Variants in PRKN observed in about 807,000 individuals in gnomAD.
PRKN encodes E3 ubiquitin-protein ligase parkin.
PRKN carries 56 observed loss-of-function variants against 59.5 expected under a neutral mutation model. The ratio of observed to expected loss-of-function variants is 0.94; its 90% CI spans 0.76 to 1.18. The LOEUF is 1.18. Ranked by LOEUF, PRKN falls within the 50% of genes most tolerant of loss-of-function variation. The pLI, the probability that PRKN is intolerant of heterozygous loss-of-function variation, is 0.00. For missense variants in PRKN, 657 were observed against 596.4 expected, an observed-to-expected ratio of 1.10 and a Z score of -1.06; for synonymous variants, 250 against 222.1, an observed-to-expected ratio of 1.13 and a Z score of -1.12.
chr6:162,460,505 T>A (rs1791100511), intron 1 of PRKN, among the ~76,000 whole-genome samples: 2 of 152,156 alleles, frequency 1.3e-5, no homozygotes. Context: ...TTTAAATGGG[T>A]GAATTTTATA....
chr6:162,535,677 G>A (rs1778687950), intron 1 of PRKN, among the ~76,000 whole-genome samples: 1 of 152,050 alleles, frequency 6.6e-6, no homozygotes, highest in Admixed American at 6.6e-5. Flanking sequence ...GGGAGGCCGA[G>A]GTGGGCAGAT....
chr6:161,662,894 G>C (rs1024054239), intron 7 of PRKN, among the ~76,000 whole-genome samples: 2 of 152,156 alleles, frequency 1.3e-5, no homozygotes, highest in African/African-American at 2.4e-5. Context: ...ATATGGTTTG[G>C]ATGTGTCCCC....
chr6:162,163,236 A>G (rs1025555488), intron 4 of PRKN, among the ~76,000 whole-genome samples: 3 of 149,122 alleles, frequency 2.0e-5, no homozygotes, highest in African/African-American at 7.6e-5. Flanking sequence ...CGTCTGTGTT[A>G]AGGACAGGAA....
At chr6:161,425,990 A>G (rs1245987924) in intron 9 of PRKN, among the ~76,000 whole-genome samples, 1 of 152,132 alleles carries the variant, frequency 6.6e-6, no homozygotes, top group Non-Finnish European at 1.5e-5. Flanking sequence ...AGCAGGAGTG[A>G]CAGTGGAGTG....
chr6:161,979,813 T>C (rs1000581757), intron 5 of PRKN, among the ~76,000 whole-genome samples: 1 of 152,102 alleles, frequency 6.6e-6, no homozygotes, highest in Non-Finnish European at 1.5e-5. Flanking sequence ...CAGGAAGATG[T>C]CAACTGGACT....
intron 2 of PRKN, among the ~76,000 whole-genome samples, chr6:162,347,750 T>C (rs1460549907): frequency 3.9e-5 from 6 of 152,210 alleles, no homozygotes; most frequent in Non-Finnish European, 2.9e-5. Flanking sequence ...TGAAATGATC[T>C]ATTTCTTCTT....
chr6:162,013,899 T>C (rs551038253), intron 5 of PRKN, among the ~76,000 whole-genome samples: 24 of 152,366 alleles, frequency 1.6e-4, no homozygotes, highest in African/African-American at 5.5e-4. Context: ...TATTATCTAT[T>C]TGAAATACTA....
At chr6:161,438,788 A>G (rs1419734978) in intron 9 of PRKN, among the ~76,000 whole-genome samples, 2 of 152,162 alleles carry the variant, frequency 1.3e-5, no homozygotes, top group Admixed American at 6.5e-5. Context: ...TATTTGACCA[A>G]TGCTGCTTGT....
intron 5 of PRKN, 38 bp from the exon 6 acceptor site, chr6:161,973,455 C>T (rs576565848): frequency 4.9e-5 from 56 of 1,153,882 alleles, no homozygotes; most frequent in East Asian, 1.2e-4. Flanking sequence ...ACATGGATCC[C>T]GGCTGCTCAT....
At chr6:162,184,081 T>A (rs961009398) in intron 4 of PRKN, among the ~76,000 whole-genome samples, 4 of 152,196 alleles carry the variant, frequency 2.6e-5, no homozygotes, top group African/African-American at 9.6e-5. Flanking sequence ...TTTTAATTCA[T>A]GAAAATTTAA....
intron 7 of PRKN, among the ~76,000 whole-genome samples, chr6:161,684,020 A>G (rs936541154): frequency 3.3e-5 from 5 of 152,212 alleles, no homozygotes; most frequent in African/African-American, 1.2e-4. Flanking sequence ...GCATGGAAAC[A>G]CCCACATTTA....
chr6:162,259,066 C>T (rs1457013423), intron 3 of PRKN, among the ~76,000 whole-genome samples: 1 of 152,188 alleles, frequency 6.6e-6, no homozygotes, highest in African/African-American at 2.4e-5. Context: ...ATTGAAGACT[C>T]TGGAAGCACA....
At chr6:162,631,679 A>G (rs1325720364) in intron 1 of PRKN, among the ~76,000 whole-genome samples, 7 of 152,122 alleles carry the variant, frequency 4.6e-5, no homozygotes, top group Non-Finnish European at 7.4e-5. Context: ...TTGCTGTGCA[A>G]GCTCAGTAGT....
intron 5 of PRKN, among the ~76,000 whole-genome samples, chr6:162,019,162 G>A (rs1447737266): frequency 1.3e-5 from 2 of 152,088 alleles, no homozygotes; most frequent in Admixed American, 6.5e-5. Flanking sequence ...ACATTTTTAT[G>A]GAGAAAAACA....
intron 6 of PRKN, among the ~76,000 whole-genome samples, chr6:161,915,234 C>T (rs1050327209): frequency 5.9e-5 from 9 of 152,132 alleles, no homozygotes; most frequent in African/African-American, 2.2e-4. Flanking sequence ...TGCAGTGAGC[C>T]GAGGTTGTGC....
Position 161,560,125 on chromosome 6 carries a change from T to C in PRKN, c.933+9230A>G, listed in dbSNP as rs1780401653. Among the ~76,000 whole-genome samples the C allele has an allele frequency of 1.3e-5, 2 of 152,170 alleles. No homozygotes were observed. Among genetic ancestry groups the C allele is most frequent in the Non-Finnish European group, 2.9e-5 (2 of 68,028 alleles). On this transcript the variant is annotated intron_variant, in intron 8 of 11. Transcript: ENST00000366898. This position sits in a 1 kb window ranked among gnomAD's most constrained non-coding sequence, Gnocchi z 4.9. ...CCATATGGGTCCATACGTTTCCTAA[T>C]ATCAGCCAATTTCCATGCTTCCCTC... is the stretch of plus-strand genomic sequence containing the variant.
At chr6:162,061,201 A>T (rs978287509) in intron 4 of PRKN, among the ~76,000 whole-genome samples, 20 of 152,340 alleles carry the variant, frequency 1.3e-4, no homozygotes, top group African/African-American at 4.6e-4. Context: ...AAAAGTAAGG[A>T]ATTAAATACC....
chr6:161,548,950 G>GC lies in PRKN; in HGVS notation c.986dup (p.Val330ArgfsTer17), dbSNP rs745647746. 3.1e-6 allele frequency: 5 copies of GC among 1,613,994 alleles called. No homozygotes were observed. The highest frequency in any genetic ancestry group is 2.2e-5 in the East Asian group (1 of 44,860). ...CACAGCCAGGGCGGGGGCATAACAC[G>GC]CCCCCCATCTGCAGGACACACTCCT... On this transcript the variant is annotated frameshift_variant, in exon 9 of 12. Transcript: ENST00000366898. LOFTEE classifies it high-confidence loss of function. This position sits in a 1 kb window ranked among gnomAD's most constrained non-coding sequence, Gnocchi z 4.2.
chr6:162,467,572 C>T (rs1370634229), intron 1 of PRKN, among the ~76,000 whole-genome samples: 1 of 152,152 alleles, frequency 6.6e-6, no homozygotes, highest in Admixed American at 6.5e-5. Context: ...CTCTACCTCT[C>T]TCCATCTGCA....
Sources: allele counts gnomAD v4.1 joint callset (sites outside exome capture counted in the v4.1 genomes callset), GRCh38; gene constraint gnomAD v4.1.1; non-coding constraint Gnocchi (gnomAD v3.1); transcripts MANE v1.5; gene names NCBI Gene and HGNC (gene_info 2026-07-23, HGNC 2026-07-21).